The following PLCB4 variants were observed in gnomAD, a reference collection of about 807,000 sequenced individuals.
The protein encoded by PLCB4 is phospholipase C beta 4.
PLCB4 carries 77 observed loss-of-function variants against 178.8 expected under a neutral mutation model. The observed-to-expected ratio is 0.43, with a 90% confidence interval of 0.36 to 0.52. The LOEUF (loss-of-function observed/expected upper bound fraction) is 0.52. PLCB4 is among the 20% of genes least tolerant of loss of function. The pLI, the probability that PLCB4 is intolerant of heterozygous loss-of-function variation, is 0.00. For missense variants in PLCB4, 1,024 were observed against 1,453.4 expected, an observed-to-expected ratio of 0.70 and a Z score of 4.80; for synonymous variants, 496 against 490.8, an observed-to-expected ratio of 1.01 and a Z score of -0.14.
chr20:9,199,657 A>C (rs2093517620), intron 2 of PLCB4, among the ~76,000 whole-genome samples: 1 of 152,128 alleles, frequency 6.6e-6, no homozygotes, highest in Admixed American at 6.6e-5. Flanking sequence ...TAGTCTTGAA[A>C]CACTAGGTTA....
At chr20:9,399,182 C>G (rs1183778903) in intron 19 of PLCB4, among the ~76,000 whole-genome samples, 1 of 152,176 alleles carries the variant, frequency 6.6e-6, no homozygotes, top group Admixed American at 6.5e-5. Flanking sequence ...CCTCTAGTGA[C>G]TCCCATGTTA....
rs1333354149 is a variant in PLCB4 at position 9,453,366 on chromosome 20, A to T, written c.2900A>T (p.Lys967Met). ...GTTCAGGAACACAGTACCATGCAGA[A>T]GTTACACTGCACGCAAGTTGACAAA... ...KHAKEHSTMQ[K>M]LHCTQVDKIV... Residue 967 changes from lysine to methionine, a missense_variant, in exon 33 of 40, where the codon AAG becomes ATG. This residue lies in a region of PLCB4 where 264 missense variants were observed against 283.2 expected (regional missense o/e 0.93). Transcript: ENST00000378473. 1 of 1,608,860 alleles carries T rather than the reference A, an allele frequency of 6.2e-7. No individual in the cohort carries two copies. The highest frequency in any genetic ancestry group is 1.1e-5 in the South Asian group (1 of 90,978).
intron 3 of PLCB4, among the ~76,000 whole-genome samples, chr20:9,241,650 A>C (rs1390697344): frequency 1.3e-5 from 2 of 152,192 alleles, no homozygotes; most frequent in Non-Finnish European, 2.9e-5. Flanking sequence ...TATAACCTGC[A>C]GGAGCCAAAA....
chr20:9,254,727 T>C (rs2094216592), intron 3 of PLCB4, among the ~76,000 whole-genome samples: 1 of 152,114 alleles, frequency 6.6e-6, no homozygotes, highest in Non-Finnish European at 1.5e-5. Context: ...AATTGTCTTA[T>C]CACATTTACA....
Position 9,380,060 on chromosome 20 carries a change from C to T in PLCB4, c.751C>T (p.Arg251Ter), listed in dbSNP as rs1171194814. Residue 251 changes from arginine to a stop codon, truncating the protein, a stop_gained, in exon 13 of 40, where the codon CGA becomes TGA. Transcript: ENST00000378473. LOFTEE classifies it high-confidence loss of function. ...AGTTATTTTCTTATCATAGCATCAA[C>T]GAGATCCTCGATTGAATGAAATTTT... is the stretch of plus-strand genomic sequence containing the variant. ...QLVSFLNEHQ[R>*]DPRLNEILFP... 1.3e-6 allele frequency: 2 copies of T among 1,561,042 alleles called. No homozygotes were observed. Among genetic ancestry groups the T allele is most frequent in the Non-Finnish European group, 1.8e-6 (2 of 1,137,984 alleles).
intron 3 of PLCB4, among the ~76,000 whole-genome samples, chr20:9,296,031 T>G (rs1260968534): frequency 1.3e-5 from 2 of 152,118 alleles, no homozygotes; most frequent in Non-Finnish European, 2.9e-5. Flanking sequence ...CTAAAGAGCT[T>G]CTGCACAGCA....
intron 2 of PLCB4, among the ~76,000 whole-genome samples, chr20:9,129,508 A>G (rs1408591359): frequency 6.6e-6 from 1 of 152,134 alleles, no homozygotes; most frequent in East Asian, 1.9e-4. Context: ...CCTCCCAAAT[A>G]AACTTCTTGT....
chr20:9,331,877 T>C (rs1439223169), intron 4 of PLCB4, among the ~76,000 whole-genome samples: 2 of 152,092 alleles, frequency 1.3e-5, no homozygotes, highest in African/African-American at 4.8e-5. Context: ...CTTCTAGCAA[T>C]GGTGATCTCC....
intron 7 of PLCB4, among the ~76,000 whole-genome samples, chr20:9,351,012 C>T (rs2034285326): frequency 6.6e-6 from 1 of 152,118 alleles, no homozygotes; most frequent in African/African-American, 2.4e-5. Context: ...GTAGTACTTC[C>T]CGAATTAGTG....
chr20:9,133,196 T>C (rs2092311584), intron 2 of PLCB4, among the ~76,000 whole-genome samples: 1 of 152,206 alleles, frequency 6.6e-6, no homozygotes, highest in East Asian at 1.9e-4. Context: ...TATGTTGTTC[T>C]CATAGTCTGT....
At chr20:9,288,660 G>C (rs912332491) in intron 3 of PLCB4, among the ~76,000 whole-genome samples, 1 of 151,822 alleles carries the variant, frequency 6.6e-6, no homozygotes, top group African/African-American at 2.4e-5. Flanking sequence ...AATACTGAGA[G>C]CCAAAAAGGA....
At chr20:9,181,471 G>T in intron 2 of PLCB4, among the ~76,000 whole-genome samples, 1 of 152,064 alleles carries the variant, frequency 6.6e-6, no homozygotes, top group Non-Finnish European at 1.5e-5. Flanking sequence ...CCATAGACTA[G>T]GTGCCTTATA....
chr20:9,222,232 A>G (rs1330682681), intron 3 of PLCB4, among the ~76,000 whole-genome samples: 1 of 151,912 alleles, frequency 6.6e-6, no homozygotes, highest in East Asian at 1.9e-4. Flanking sequence ...TGGGACTACA[A>G]GTATGCACTA....
chr20:9,399,124 C>A (rs780503708), intron 19 of PLCB4, among the ~76,000 whole-genome samples: 1 of 152,202 alleles, frequency 6.6e-6, no homozygotes, highest in Non-Finnish European at 1.5e-5. Context: ...TGCTTTCCCA[C>A]CATCTACATC....
chr20:9,325,757 C>T (rs2030412581), intron 4 of PLCB4, among the ~76,000 whole-genome samples: 1 of 152,180 alleles, frequency 6.6e-6, no homozygotes, highest in South Asian at 2.1e-4. Context: ...CTAATCTGGG[C>T]ATTTCATTTC....
At position 9,236,526 on chromosome 20, in the gene PLCB4, G is replaced by GA. The variant is rs531028269; in HGVS notation, c.-16+19074_-16+19075insA. On this transcript the variant is annotated intron_variant, in intron 3 of 39. Transcript: ENST00000378473. ...GAGCCTACTTAGACTGAGCCTAATT[G>GA]CACAAGGCAGTGTCTAATCTTTCGT... is the stretch of plus-strand genomic sequence containing the variant. Among the ~76,000 whole-genome samples, 35 of 152,222 alleles carry GA rather than the reference G, an allele frequency of 2.3e-4. 1 individual carries two copies. In the South Asian group the frequency reaches 6.8e-3, roughly 30 times the overall value.
At chr20:9,149,956 G>A (rs188008927) in intron 2 of PLCB4, among the ~76,000 whole-genome samples, 119 of 152,260 alleles carry the variant, frequency 7.8e-4, no homozygotes, top group Non-Finnish European at 1.4e-3. Flanking sequence ...CAGGTTGGGC[G>A]CTTATTCACT....
chr20:9,102,962 G>A (rs566122233), intron 2 of PLCB4, among the ~76,000 whole-genome samples: 4 of 151,974 alleles, frequency 2.6e-5, no homozygotes, highest in African/African-American at 4.8e-5. Flanking sequence ...TCTAGGACTT[G>A]TAGGAACCAC....
intron 21 of PLCB4, among the ~76,000 whole-genome samples, chr20:9,405,603 G>T (rs1319063974): frequency 6.6e-6 from 1 of 152,162 alleles, no homozygotes; most frequent in Non-Finnish European, 1.5e-5. Context: ...ATAAAAATGA[G>T]TGAATAGGTC....
Sources: gnomAD v4.1 joint callset for allele counts (sites outside exome capture counted in the v4.1 genomes callset) on GRCh38, gnomAD v4.1.1 for gene constraint, gnomAD v4.1.1 regional missense constraint, MANE v1.5 for transcripts, NCBI Gene and HGNC (gene_info 2026-07-23, HGNC 2026-07-21) for gene names.